The following NPAS3 variants were observed in gnomAD, a reference collection of about 807,000 sequenced individuals.
The protein encoded by NPAS3 is neuronal PAS domain-containing protein 3.
A neutral mutation model predicts 73.1 loss-of-function variants in NPAS3; 14 were observed. The observed-to-expected ratio is 0.19, with a 90% CI of 0.13 to 0.30. The LOEUF is 0.30. Among genes scored for constraint, NPAS3 ranks in the 10% least tolerant of loss-of-function variants. The probability of loss-of-function intolerance (pLI) is 1.00; values close to 1 mark genes in which losing one functional copy is unlikely to be tolerated. For synonymous variants in NPAS3, 620 were observed against 541.5 expected, an observed-to-expected ratio of 1.14 and a Z score of -2.01; for missense variants, 1,096 against 1,250.0, an observed-to-expected ratio of 0.88 and a Z score of 1.86.
At chr14:33,788,313 G>A (rs2063241309) in intron 9 of NPAS3, among the ~76,000 whole-genome samples, 1 of 152,200 alleles carries the variant, frequency 6.6e-6, no homozygotes, top group Non-Finnish European at 1.5e-5. Flanking sequence ...CGCCACAGAT[G>A]CGTCCTCCTA....
rs193211432 is a variant in NPAS3 at position 33,633,972 on chromosome 14, T to C, written c.559-42239T>C. On this transcript the variant is annotated intron_variant, in intron 5 of 11. Coordinates refer to ENST00000356141, the Ensembl canonical transcript of NPAS3. ...CAGCCTGAGCAACAGAGTGAGACCA[T>C]GTCTCAAAAAAAAAGAGAAAAGAAA... Among the ~76,000 whole-genome samples the C allele has an allele frequency of 2.5e-3, 380 of 152,130 alleles. 1 individual carries two copies. The highest frequency in any genetic ancestry group is 8.8e-3 in the African/African-American group (365 of 41,516).
chr14:33,652,910 C>T (rs1318881320), intron 5 of NPAS3, among the ~76,000 whole-genome samples: 1 of 152,152 alleles, frequency 6.6e-6, no homozygotes, highest in East Asian at 1.9e-4. Context: ...CCCCCGTGAC[C>T]TTGGACAGCA....
In NPAS3 at chr14:33,432,571, C is replaced by G. The variant is rs763671624; in HGVS notation, c.468+65303C>G. Reference sequence around the variant, plus strand: ...TGTTGACTCCACTTTGAACAGTGGCCTCATTTCTCATGTTCTGTTTCAAAG... The same window carrying G: ...TGTTGACTCCACTTTGAACAGTGGCGTCATTTCTCATGTTCTGTTTCAAAG... On this transcript the variant is annotated intron_variant, in intron 4 of 11. Coordinates refer to ENST00000356141, the Ensembl canonical transcript of NPAS3. 1.5e-4 allele frequency among the ~76,000 whole-genome samples: 23 copies of G among 152,186 alleles called. 1 individual carries two copies. The highest frequency in any genetic ancestry group is 5.9e-5 in the Non-Finnish European group (4 of 67,994).
chr14:33,249,093 A>T (rs1423986310), intron 3 of NPAS3, among the ~76,000 whole-genome samples: 7 of 152,140 alleles, frequency 4.6e-5, no homozygotes, highest in Non-Finnish European at 8.8e-5. Context: ...GACATGTCTG[A>T]GGAAATAAGT....
At chr14:33,710,925 C>G (rs1450906357) in intron 6 of NPAS3, among the ~76,000 whole-genome samples, 1 of 152,148 alleles carries the variant, frequency 6.6e-6, no homozygotes, top group African/African-American at 2.4e-5. Context: ...ATGCTGAGAT[C>G]CAGAAATTCA....
At chr14:33,029,229 C>T (rs901337842) in intron 1 of NPAS3, among the ~76,000 whole-genome samples, 13 of 152,132 alleles carry the variant, frequency 8.5e-5, no homozygotes, top group African/African-American at 1.9e-4. Flanking sequence ...AAGTGACGGA[C>T]GCTTTCTCCT....
At chr14:33,778,096 A>T (rs2062876188) in intron 8 of NPAS3, among the ~76,000 whole-genome samples, 1 of 152,210 alleles carries the variant, frequency 6.6e-6, no homozygotes, top group Non-Finnish European at 1.5e-5. Flanking sequence ...TATAAACATA[A>T]CATGTTTTTA....
chr14:33,636,298 A>C (rs1017693203), intron 5 of NPAS3, among the ~76,000 whole-genome samples: 1 of 152,204 alleles, frequency 6.6e-6, no homozygotes, highest in African/African-American at 2.4e-5. Flanking sequence ...GGAACGGATG[A>C]ATGAATCCAT....
chr14:33,139,078 A>G (rs1483036498), intron 2 of NPAS3, among the ~76,000 whole-genome samples: 2 of 152,208 alleles, frequency 1.3e-5, no homozygotes, highest in African/African-American at 4.8e-5. Context: ...ACTTACTCCC[A>G]GTGGTTGGGA....
chr14:33,133,005 T>C (rs149753412), intron 2 of NPAS3, among the ~76,000 whole-genome samples: 1 of 152,168 alleles, frequency 6.6e-6, no homozygotes, highest in Non-Finnish European at 1.5e-5. Flanking sequence ...CAGTTATTAC[T>C]CTTAAATTAA....
chr14:33,488,755 CA>C (rs2051739813), intron 4 of NPAS3, among the ~76,000 whole-genome samples: 1 of 152,154 alleles, frequency 6.6e-6, no homozygotes, highest in Non-Finnish European at 1.5e-5. Context: ...CTCGCTGGCA[CA>C]GTTCTGGGTG....
chr14:33,353,160 A>C (rs1263440402), intron 3 of NPAS3, among the ~76,000 whole-genome samples: 2 of 151,656 alleles, frequency 1.3e-5, no homozygotes, highest in East Asian at 1.9e-4. Context: ...CTTCTGTAAA[A>C]AAAAAAAAAA....
intron 6 of NPAS3, among the ~76,000 whole-genome samples, chr14:33,724,489 C>T (rs562903287): frequency 6.6e-6 from 1 of 152,100 alleles, no homozygotes; most frequent in East Asian, 1.9e-4. Flanking sequence ...CAAAAAGTAG[C>T]CAGGCGTGGT....
chr14:33,499,131 T>C (rs1000966489), intron 4 of NPAS3, among the ~76,000 whole-genome samples: 2 of 151,868 alleles, frequency 1.3e-5, no homozygotes, highest in Admixed American at 6.6e-5. Context: ...CAAGTGACTA[T>C]AAATTAGTTA....
chr14:33,558,266 CT>C lies in NPAS3; in HGVS notation c.469-1843del, dbSNP rs1222683330. 4.9e-3 allele frequency among the ~76,000 whole-genome samples: 718 copies of C among 145,998 alleles called. 7 individuals are homozygous for C. The highest frequency in any genetic ancestry group is 0.015 in the African/African-American group (588 of 40,220). ...ACAGGTCAGGAAACAGGAAAATTCA[CT>C]TTTTTTTTTTTGAGACAGAGTCTTG... On this transcript the variant is annotated intron_variant, in intron 4 of 11. Coordinates refer to ENST00000356141, the Ensembl canonical transcript of NPAS3.
rs529016066 is a variant in NPAS3 at position 33,177,648 on chromosome 14, AGCATTGATCC to A, written c.141-37533_141-37524del. On this transcript the variant is annotated intron_variant, in intron 2 of 11. Transcript: ENST00000356141. ...TTTCTTTTAAGAATTTTATAGTTTT[AGCATTGATCC>A]ATTTTACATTCAATTTTGTAATTGC... is the stretch of plus-strand genomic sequence containing the variant. Among the ~76,000 whole-genome samples, 424 of 152,266 alleles carry A rather than the reference AGCATTGATCC, an allele frequency of 2.8e-3. 2 individuals carry two copies. Among genetic ancestry groups the A allele is most frequent in the African/African-American group, 9.7e-3 (404 of 41,558 alleles).
intron 2 of NPAS3, among the ~76,000 whole-genome samples, chr14:33,165,740 G>A (rs2045112251): frequency 6.6e-6 from 1 of 151,204 alleles, no homozygotes; most frequent in Non-Finnish European, 1.5e-5. Context: ...GGTACATTTT[G>A]AAAGAATGTG....
chr14:33,122,857 A>G (rs2043281499), intron 2 of NPAS3, among the ~76,000 whole-genome samples: 1 of 152,160 alleles, frequency 6.6e-6, no homozygotes, highest in Non-Finnish European at 1.5e-5. Context: ...GTTTTCTTGA[A>G]GAAGTCGGTA....
At chr14:33,051,280 C>CAAA (rs1236766783) in intron 1 of NPAS3, among the ~76,000 whole-genome samples, 754 of 64,252 alleles carry the variant, frequency 0.012, 16 homozygotes, top group Middle Eastern at 0.019. Context: ...GACTCCGTCT[C>CAAA]AAAAAAAAAA....
Sources: allele counts gnomAD v4.1 joint callset (sites outside exome capture counted in the v4.1 genomes callset), GRCh38; gene constraint gnomAD v4.1.1; transcripts MANE v1.5; gene names NCBI Gene and HGNC (gene_info 2026-07-23, HGNC 2026-07-21).